The following RNF13 variants were observed in gnomAD, a reference collection of about 807,000 sequenced individuals.
RNF13 encodes the protein ring finger protein 13.
RNF13 carries 19 observed loss-of-function variants against 37.7 expected under a neutral mutation model. That is an observed-to-expected ratio of 0.50 (90% CI 0.35 to 0.74). The LOEUF is 0.74. RNF13 is among the 30% of genes least tolerant of loss of function. The pLI is 0.01. For synonymous variants in RNF13, 144 were observed against 157.8 expected, an observed-to-expected ratio of 0.91 and a Z score of 0.65; for missense variants, 375 against 453.0, an observed-to-expected ratio of 0.83 and a Z score of 1.56.
chr3:149,942,448 T>C (rs1190439096), intron 8 of RNF13, among the ~76,000 whole-genome samples: 1 of 152,198 alleles, frequency 6.6e-6, no homozygotes, highest in Non-Finnish European at 1.5e-5. Context: ...ATCCTTTTTG[T>C]TGCTATAGTA....
rs929368099 is a variant in RNF13, at chr3:149,900,454, G to A, written c.410-1618G>A. On this transcript the variant is annotated intron_variant, in intron 5 of 9. Coordinates refer to ENST00000392894, the MANE Select transcript of RNF13 (RefSeq NM_183381.3). ...AAAAAAAAATGCAATAATGCCTGTA[G>A]CCCCAGCTACTTGGGAGGCTGAGAC... Among the ~76,000 whole-genome samples, 63 of 151,844 alleles carry A rather than the reference G, an allele frequency of 4.1e-4. 1 individual carries two copies. The highest frequency in any genetic ancestry group is 4.4e-4 in the Non-Finnish European group (30 of 67,978).
chr3:149,822,300 TTGTTTTTGTGTTTTATAGTTTTCGG>T (rs1720057551), intron 1 of RNF13, among the ~76,000 whole-genome samples: 1 of 152,156 alleles, frequency 6.6e-6, no homozygotes, highest in African/African-American at 2.4e-5. Context: ...TCCTTCAGCA[TTGTTTTTGTGTTTTATAGTTTTCGG>T]TGTACAAGTC....
chr3:149,926,074 C>G (rs1416404547), intron 8 of RNF13, among the ~76,000 whole-genome samples: 1 of 152,152 alleles, frequency 6.6e-6, no homozygotes, highest in East Asian at 1.9e-4. Context: ...TTATATGTTC[C>G]TACAAGCCTC....
At chr3:149,889,376 C>T (rs1714434949) in intron 4 of RNF13, among the ~76,000 whole-genome samples, 2 of 148,902 alleles carry the variant, frequency 1.3e-5, no homozygotes, top group Non-Finnish European at 3.0e-5. Context: ...GTGATCTCAG[C>T]TCACTGCAAC....
Position 149,874,799 on chromosome 3 carries a change from A to C in RNF13, c.321+2645A>C, listed in dbSNP as rs540539145. Among the ~76,000 whole-genome samples, 5 of 152,258 alleles carry C rather than the reference A, an allele frequency of 3.3e-5. No individual in the cohort carries two copies. The South Asian group carries it at 1.0e-3, about 32-fold the overall frequency. ...AGGTAGTGTGACTGGGTAAGGATAA[A>C]GTCATTATGGGTACTGGGAAAACAA... On this transcript the variant is annotated intron_variant, in intron 4 of 9. Coordinates refer to ENST00000392894, the MANE Select transcript of RNF13 (RefSeq NM_183381.3).
At chr3:149,939,633 A>G in intron 8 of RNF13, 1 of 645,292 alleles carries the variant, frequency 1.5e-6, no homozygotes, top group Non-Finnish European at 2.9e-6. Context: ...TATGCAATTT[A>G]TCCTTTGCTC....
In RNF13 at chr3:149,961,449, CT is replaced by C. The variant is rs1722421029; in HGVS notation, c.*346del. On this transcript the variant is annotated 3_prime_UTR_variant, in exon 10 of 10. Coordinates refer to ENST00000392894, the MANE Select transcript of RNF13 (RefSeq NM_183381.3). ...TTGCGTTTTATACATGAGGTCAGTG[CT>C]ACAGCCACCTAGCATGAACTAACCC... 1 of 435,842 alleles carries C rather than the reference CT, an allele frequency of 2.3e-6. No individual in the cohort carries two copies. The highest frequency in any genetic ancestry group is 2.1e-5 in the African/African-American group (1 of 48,698). 27.0% of individuals were successfully genotyped at this position (435,842 alleles called of 1,614,324 possible). A position where few individuals can be genotyped will look rare whatever the true frequency, so the allele number is the denominator to read the frequency against.
At chr3:149,871,961 T>G (rs924915863) in intron 3 of RNF13, 68 bp from the exon 4 acceptor site, 57 of 1,362,882 alleles carry the variant, frequency 4.2e-5, no homozygotes, top group Non-Finnish European at 5.5e-5. Flanking sequence ...CGAAAAGATA[T>G]TTGTAGAAGT....
rs113106600 is a variant in RNF13, at chr3:149,912,788, G to A, written c.606+705G>A. On this transcript the variant is annotated intron_variant, in intron 7 of 9. Transcript: ENST00000392894. ...CCATAACGGTGGTTATCAAAATACG[G>A]TTACAAGACTATTAGTAGGTCTGCA... Among the ~76,000 whole-genome samples, 1,044 of 152,152 alleles carry A rather than the reference G, an allele frequency of 6.9e-3. 10 individuals carry two copies. Among genetic ancestry groups the A allele is most frequent in the Non-Finnish European group, 0.011 (748 of 67,954 alleles).
intron 8 of RNF13, among the ~76,000 whole-genome samples, chr3:149,945,759 C>A (rs1720714093): frequency 6.6e-6 from 1 of 152,154 alleles, no homozygotes; most frequent in Non-Finnish European, 1.5e-5. Flanking sequence ...TGCTGTTCAG[C>A]CATATTCGCT....
At chr3:149,824,006 G>A (rs181172885) in intron 1 of RNF13, among the ~76,000 whole-genome samples, 1 of 152,274 alleles carries the variant, frequency 6.6e-6, no homozygotes. Context: ...GGCAGGACTG[G>A]AAAATCTTGT....
At chr3:149,835,996 A>G (rs542234061) in intron 1 of RNF13, among the ~76,000 whole-genome samples, 1 of 152,278 alleles carries the variant, frequency 6.6e-6, no homozygotes, top group Admixed American at 6.5e-5. Flanking sequence ...GTACTAGTTT[A>G]CATTCCTGCC....
chr3:149,955,463 G>A (rs1721772769), intron 8 of RNF13, among the ~76,000 whole-genome samples: 1 of 151,914 alleles, frequency 6.6e-6, no homozygotes, highest in Non-Finnish European at 1.5e-5. Context: ...GTTGTATTTT[G>A]TTGAGATTTC....
upstream of RNF13, chr3:149,813,080 G>A (rs934522534): frequency 1.3e-5 from 2 of 152,328 alleles, no homozygotes; most frequent in African/African-American, 4.8e-5. Context: ...GCATTTCTCC[G>A]AGCCGGGCTA....
At chr3:149,872,343 T>G (rs1259083202) in intron 4 of RNF13, among the ~76,000 whole-genome samples, 189 bp downstream of exon 4, 1 of 152,202 alleles carries the variant, frequency 6.6e-6, no homozygotes, top group Non-Finnish European at 1.5e-5. Context: ...TTGGACATCT[T>G]GAACTGTGGT....
Position 149,949,105 on chromosome 3 carries a change from G to A in RNF13, c.701-10951G>A, listed in dbSNP as rs1482932629. On this transcript the variant is annotated intron_variant, in intron 8 of 9. Coordinates refer to ENST00000392894, the MANE Select transcript of RNF13 (RefSeq NM_183381.3). ...TACAATAATACAGGATTCTATATTT[G>A]TCTATATATTTAACTTTACCTGGGA... is the stretch of plus-strand genomic sequence containing the variant. Among the ~76,000 whole-genome samples, 4 of 151,102 alleles carry A rather than the reference G, an allele frequency of 2.6e-5. No homozygotes were observed. The East Asian group carries it at 5.8e-4, about 22-fold the overall frequency.
intron 8 of RNF13, among the ~76,000 whole-genome samples, chr3:149,950,669 T>G (rs1378219777): frequency 2.7e-5 from 4 of 147,424 alleles, no homozygotes; most frequent in Non-Finnish European, 4.5e-5. Context: ...AGAAATGGGG[T>G]CTTTCTATGT....
At chr3:149,920,822 CTT>C (rs568882663) in intron 7 of RNF13, among the ~76,000 whole-genome samples, 71 of 112,534 alleles carry the variant, frequency 6.3e-4, no homozygotes, top group Non-Finnish European at 1.1e-3. Context: ...CCATTGGAGT[CTT>C]TATAAAATCT....
chr3:149,846,165 G>T (rs745755458), intron 2 of RNF13, 25 bp downstream of exon 2: 1 of 1,403,242 alleles, frequency 7.1e-7, no homozygotes, highest in East Asian at 2.3e-5. Context: ...ATTTATTCAT[G>T]TCTAGAAACA....
Sources: allele counts gnomAD v4.1 joint callset (sites outside exome capture counted in the v4.1 genomes callset), GRCh38; gene constraint gnomAD v4.1.1; transcripts MANE v1.5; gene names NCBI Gene and HGNC (gene_info 2026-07-23, HGNC 2026-07-21).